The following ITGA4 variants were observed in gnomAD, a reference collection of about 807,000 sequenced individuals.
The protein encoded by ITGA4 is integrin subunit alpha 4, also known as integrin alpha-4.
A neutral mutation model predicts 133.6 loss-of-function variants in ITGA4; 63 were observed. That is an observed-to-expected ratio of 0.47 (90% CI 0.38 to 0.58). ITGA4 has a LOEUF of 0.58. Ranked by LOEUF, ITGA4 falls within the 20% of genes least tolerant of loss-of-function variation. The probability of loss-of-function intolerance (pLI) is 0.00; values close to 1 mark genes in which losing one functional copy is unlikely to be tolerated. For synonymous variants in ITGA4, 483 were observed against 438.0 expected, an observed-to-expected ratio of 1.10 and a Z score of -1.28; for missense variants, 1,076 against 1,252.7, an observed-to-expected ratio of 0.86 and a Z score of 2.13.
At chr2:181,459,099 C>CA (rs1685205734) in intron 2 of ITGA4, 1 of 152,296 alleles carries the variant, frequency 6.6e-6, no homozygotes, top group East Asian at 1.9e-4. Context: ...ATATATATTG[C>CA]TTAACTTTTT....
chr2:181,483,105 ATG>A (rs1450653533), intron 9 of ITGA4, among the ~76,000 whole-genome samples: 1 of 152,210 alleles, frequency 6.6e-6, no homozygotes, highest in African/African-American at 2.4e-5. Flanking sequence ...TAGAAACAAG[ATG>A]TGTTTTGTTA....
chr2:181,534,980 T>C, intron 27 of ITGA4, 45 bp downstream of exon 27: 1 of 1,518,780 alleles, frequency 6.6e-7, no homozygotes, highest in Middle Eastern at 2.3e-4. Context: ...AAAAATGACA[T>C]TTTCTCAAAG....
intron 10 of ITGA4, 67 bp from the exon 11 acceptor site, chr2:181,493,258 G>A: frequency 1.0e-6 from 1 of 971,726 alleles, no homozygotes; most frequent in Non-Finnish European, 1.6e-6. Context: ...GGTTCATAAG[G>A]TTAGTTTTCG....
At chr2:181,467,528 T>C (rs1465937569) in intron 2 of ITGA4, among the ~76,000 whole-genome samples, 1 of 152,160 alleles carries the variant, frequency 6.6e-6, no homozygotes, top group Non-Finnish European at 1.5e-5. Context: ...TTTTCCCTGG[T>C]CCTTCTTTCT....
chr2:181,467,986 T>C (rs565179357), intron 2 of ITGA4, among the ~76,000 whole-genome samples: 1 of 152,372 alleles, frequency 6.6e-6, no homozygotes, highest in African/African-American at 2.4e-5. Flanking sequence ...ATGAGCCAGG[T>C]TATATGCTGC....
chr2:181,484,139 G>C (rs155099), intron 9 of ITGA4, among the ~76,000 whole-genome samples: 112,327 of 152,070 alleles, frequency 0.74, 41,876 homozygotes, highest in Admixed American at 0.79. Context: ...TTGGTATTGT[G>C]TGTTCTTCTA....
At chr2:181,527,126 G>C (rs1686850041) in intron 21 of ITGA4, among the ~76,000 whole-genome samples, 171 bp from the exon 22 acceptor site, 1 of 151,916 alleles carries the variant, frequency 6.6e-6, no homozygotes, top group African/African-American at 2.4e-5. Flanking sequence ...ATGAGCCACT[G>C]CTCCCGGCCC....
In ITGA4 at chr2:181,524,205, T is replaced by A. The variant is rs756012535; in HGVS notation, c.2204T>A (p.Leu735His). 1.9e-6 allele frequency: 3 copies of A among 1,605,096 alleles called. No individual in the cohort carries two copies. The highest frequency in any genetic ancestry group is 1.7e-6 in the Non-Finnish European group (2 of 1,175,708). ...DISFLLDVSS[L>H]SRAEEDLSIT... is the part of the protein sequence containing the mutation. Reference sequence around the variant, plus strand: ...AGCTTTCTCCTGGATGTGAGCTCACTCAGCAGAGCGGAAGAGGACCTCAGT... The same window carrying A: ...AGCTTTCTCCTGGATGTGAGCTCACACAGCAGAGCGGAAGAGGACCTCAGT... Residue 735 changes from leucine (L) to histidine (H), a missense_variant, in exon 20 of 28, where the codon CTC becomes CAC. Coordinates refer to ENST00000397033, the MANE Select transcript of ITGA4 (RefSeq NM_000885.6).
At chr2:181,507,681 C>T (rs907307788) in intron 15 of ITGA4, among the ~76,000 whole-genome samples, 1 of 152,050 alleles carries the variant, frequency 6.6e-6, no homozygotes, top group Non-Finnish European at 1.5e-5. Context: ...TAAATCACCT[C>T]TAAATTACTT....
Position 181,538,032 on chromosome 2 carries a change from C to A in ITGA4, c.*2505C>A, listed in dbSNP as rs1189935034. 2 of 695,424 alleles carry A rather than the reference C, an allele frequency of 2.9e-6. No individual in the cohort carries two copies. Among genetic ancestry groups the A allele is most frequent in the South Asian group, 3.0e-5 (2 of 66,296 alleles). 43.1% of individuals were successfully genotyped at this position (695,424 alleles called of 1,614,324 possible). A position where few individuals can be genotyped will look rare whatever the true frequency, so the allele number is the denominator to read the frequency against. ...TAATGCCTGATGATCTGAGGTGGAA[C>A]AGTTCATCCTGAAACCATTCCCCCA... On this transcript the variant is annotated 3_prime_UTR_variant, in exon 28 of 28. Transcript: ENST00000397033.
chr2:181,534,180 T>A, intron 25 of ITGA4, 92 bp from the exon 26 acceptor site: 2 of 728,278 alleles, frequency 2.7e-6, no homozygotes, highest in Non-Finnish European at 4.6e-6. Context: ...GAAGGTAAAT[T>A]GTGAAAACCT....
rs936892870 is a variant in ITGA4, at chr2:181,525,131, G to A, written c.2250-71G>A. On this transcript the variant is annotated intron_variant, in intron 20 of 27. Transcript: ENST00000397033. ...CCTCTGAGTATATTAGGTATACAGG[G>A]TATGTAATTAGTTCTCTCTGAAGAT... 26 of 833,210 alleles carry A rather than the reference G, an allele frequency of 3.1e-5. No homozygotes were observed. In the East Asian group the frequency reaches 3.4e-4, roughly 11 times the overall value. 51.6% of individuals were successfully genotyped at this position (833,210 alleles called of 1,614,324 possible).
At position 181,537,238 on chromosome 2, in the gene ITGA4, A is replaced by G; in HGVS notation, c.*1711A>G. The stretch of plus-strand genomic sequence containing the variant: ...ACTGTCTTCTCCAGGATGGTCTCTA[A>G]GGAAATTTACATTTGGTTCTTTCCT... On this transcript the variant is annotated 3_prime_UTR_variant, in exon 28 of 28. Coordinates refer to ENST00000397033, the MANE Select transcript of ITGA4 (RefSeq NM_000885.6). 1 of 453,882 alleles carries G rather than the reference A, an allele frequency of 2.2e-6. No homozygotes were observed. The highest frequency in any genetic ancestry group is 4.4e-6 in the Non-Finnish European group (1 of 226,718). 28.1% of individuals were successfully genotyped at this position (453,882 alleles called of 1,614,324 possible). A position where few individuals can be genotyped will look rare whatever the true frequency, so the allele number is the denominator to read the frequency against.
chr2:181,534,092 T>C (rs761612151), intron 25 of ITGA4, among the ~76,000 whole-genome samples, 180 bp from the exon 26 acceptor site: 1 of 152,142 alleles, frequency 6.6e-6, no homozygotes, highest in Non-Finnish European at 1.5e-5. Context: ...AATGATACTA[T>C]ATAAATTAAT....
rs1248222131 is a variant in ITGA4, at chr2:181,516,152, G to A, written c.1922+4377G>A. ...ATAGAAGGTATTAGCCATCACATAG[G>A]GAGTTTAAAATCAAATCCTTGAAAC... On this transcript the variant is annotated intron_variant, in intron 17 of 27. Coordinates refer to ENST00000397033, the MANE Select transcript of ITGA4 (RefSeq NM_000885.6). This position sits in a 1 kb window ranked among gnomAD's most constrained non-coding sequence, Gnocchi z 4.0. Among the ~76,000 whole-genome samples, 1 of 151,902 alleles carries A rather than the reference G, an allele frequency of 6.6e-6. No individual in the cohort carries two copies. The highest frequency in any genetic ancestry group is 1.5e-5 in the Non-Finnish European group (1 of 67,960).
chr2:181,481,704 T>C (rs766028581), intron 7 of ITGA4, 21 bp downstream of exon 7: 10 of 1,299,412 alleles, frequency 7.7e-6, no homozygotes, highest in Admixed American at 5.2e-5. Context: ...CATTTTTATA[T>C]TTATTTCTTC....
Position 181,521,811 on chromosome 2 carries a change from C to G in ITGA4, c.1923-380C>G, listed in dbSNP as rs573341498. ...CCCTCGGTTCAGGCAGCAGCTAGTT[C>G]AATGTCTATTTTAGGCTTGCAAGAA... On this transcript the variant is annotated intron_variant, in intron 17 of 27. Coordinates refer to ENST00000397033, the MANE Select transcript of ITGA4 (RefSeq NM_000885.6). Among the ~76,000 whole-genome samples, 3 of 152,260 alleles carry G rather than the reference C, an allele frequency of 2.0e-5. No homozygotes were observed. The South Asian group carries it at 6.2e-4, about 32-fold the overall frequency.
At chr2:181,480,299 G>C (rs1193025647) in intron 6 of ITGA4, 33 bp downstream of exon 6, 1 of 1,226,610 alleles carries the variant, frequency 8.2e-7, no homozygotes, top group Admixed American at 2.6e-5. Flanking sequence ...TAAATGATCT[G>C]TGCCTTACAA....
At chr2:181,459,553 G>A (rs1387296579) in intron 2 of ITGA4, among the ~76,000 whole-genome samples, 1 of 152,164 alleles carries the variant, frequency 6.6e-6, no homozygotes, top group Non-Finnish European at 1.5e-5. Flanking sequence ...TTAACTCAGA[G>A]CACCTATAAA....
Sources: allele counts gnomAD v4.1 joint callset (sites outside exome capture counted in the v4.1 genomes callset), GRCh38; gene constraint gnomAD v4.1.1; non-coding constraint Gnocchi (gnomAD v3.1); transcripts MANE v1.5; gene names NCBI Gene and HGNC (gene_info 2026-07-23, HGNC 2026-07-21).